The following GNPNAT1 variants were observed in gnomAD, a reference collection of about 807,000 sequenced individuals.
GNPNAT1 encodes the protein glucosamine-phosphate N-acetyltransferase 1, also known as glucosamine 6-phosphate N-acetyltransferase.
In GNPNAT1, 11 loss-of-function variants were observed where a neutral mutation model predicts 19.8. That is an observed-to-expected ratio of 0.56 (90% CI 0.35 to 0.92). GNPNAT1 has a LOEUF of 0.92. Among genes scored for constraint, GNPNAT1 ranks in the 40% least tolerant of loss-of-function variants. The pLI, the probability that GNPNAT1 is intolerant of heterozygous loss-of-function variation, is 0.01. For missense variants in GNPNAT1, 157 were observed against 211.0 expected (o/e 0.74, Z 1.59); for synonymous variants, 71 against 72.3 (o/e 0.98, Z 0.09).
At chr14:52,781,727 C>T in intron 4 of GNPNAT1, 57 bp downstream of exon 4, 2 of 1,518,012 alleles carry the variant, frequency 1.3e-6, no homozygotes, top group Non-Finnish European at 1.8e-6. Flanking sequence ...CTAATGGAAA[C>T]TCAAAGTCAG....
In GNPNAT1 at chr14:52,784,638, C is replaced by G. The variant is rs1411464962; in HGVS notation, c.13G>C (p.Glu5Gln). 1.9e-6 allele frequency: 3 copies of G among 1,550,180 alleles called. No homozygotes were observed. The South Asian group carries it at 3.6e-5, about 19-fold the overall frequency. The change falls in exon 2 of 6, where the codon GAA becomes CAA. Residue 5 changes from glutamate to glutamine, a missense_variant. Glu to Gln is a conservative substitution (Grantham distance 29, BLOSUM62 2). Coordinates refer to ENST00000216410, the MANE Select transcript of GNPNAT1 (RefSeq NM_198066.4). ...AGACTTGGGTCAAACATAGGAGTTTCATCAGGTTTCATTTTTCTAGTAAGG... is the reference window on the plus strand; with the variant it reads ...AGACTTGGGTCAAACATAGGAGTTTGATCAGGTTTCATTTTTCTAGTAAGG... MKPDETPMFDPSLLK... is the reference protein window; with the variant it reads MKPDQTPMFDPSLLK...
rs1882680669 is a variant in GNPNAT1, at chr14:52,775,409, C to T, written c.*2902G>A. On this transcript the variant is annotated 3_prime_UTR_variant, in exon 6 of 6. Coordinates refer to ENST00000216410, the MANE Select transcript of GNPNAT1 (RefSeq NM_198066.4). ...AATCTAAGATCACCTCACAACTATA[C>T]CATTATTTTAGGCACCACTAAAAGA... The T allele has an allele frequency of 6.6e-6, 1 of 152,130 alleles. No homozygotes were observed. Among genetic ancestry groups the T allele is most frequent in the African/African-American group, 2.4e-5 (1 of 41,422 alleles). The allele number at this position is 152,130 out of a possible 1,614,324, so 9.4% of individuals were successfully genotyped here.
At chr14:52,779,978 G>A (rs995176404) in intron 5 of GNPNAT1, among the ~76,000 whole-genome samples, 1 of 152,008 alleles carries the variant, frequency 6.6e-6, no homozygotes, top group Admixed American at 6.6e-5. Flanking sequence ...TTTGAGACCA[G>A]CCTGAGCAAC....
chr14:52,786,588 A>G (rs768189495), intron 1 of GNPNAT1, among the ~76,000 whole-genome samples: 2 of 152,128 alleles, frequency 1.3e-5, no homozygotes, highest in Admixed American at 6.5e-5. Flanking sequence ...TTTTCATGCT[A>G]TTGAAAAGTG....
rs563123767 is a variant in GNPNAT1, at chr14:52,789,507, T to A, written c.-15+1921A>T. Among the ~76,000 whole-genome samples, 49 of 152,230 alleles carry A rather than the reference T, an allele frequency of 3.2e-4. 1 individual carries two copies. The highest frequency in any genetic ancestry group is 2.9e-3 in the South Asian group (14 of 4,818). Reference sequence around the variant, plus strand: ...GGCAATCAGAAATTAACATCAAAAATTTTTTTATGAGCTATTCTACAAAAC... The same window carrying A: ...GGCAATCAGAAATTAACATCAAAAAATTTTTTATGAGCTATTCTACAAAAC... On this transcript the variant is annotated intron_variant, in intron 1 of 5. Coordinates refer to ENST00000216410, the MANE Select transcript of GNPNAT1 (RefSeq NM_198066.4).
intron 1 of GNPNAT1, among the ~76,000 whole-genome samples, chr14:52,785,496 G>A (rs965129238): frequency 1.3e-5 from 2 of 151,424 alleles, no homozygotes; most frequent in Non-Finnish European, 2.9e-5. Flanking sequence ...GCCGAGGTGG[G>A]CAGATCACCT....
chr14:52,784,515 T>C lies in GNPNAT1; in HGVS notation c.136A>G (p.Thr46Ala), dbSNP rs1443359331. 6 of 1,599,658 alleles carry C rather than the reference T, an allele frequency of 3.8e-6. No individual in the cohort carries two copies. The highest frequency in any genetic ancestry group is 5.1e-6 in the Non-Finnish European group (6 of 1,175,674). The change falls in exon 2 of 6, where the codon ACT (threonine) becomes GCT (alanine). Residue 46 changes from threonine to alanine, a missense_variant. By Grantham distance (58) the Thr-to-Ala change is moderately conservative. Coordinates refer to ENST00000216410, the MANE Select transcript of GNPNAT1 (RefSeq NM_198066.4). ...ACATTACCTCTATTTAAGTCAGCAG[T>C]ACAAAGAGGCCTCAAAACCAAGCCT... Reference protein sequence around the residue: ...GEGLVLRPLCTADLNRGFFKV... With the variant: ...GEGLVLRPLCAADLNRGFFKV...
intron 1 of GNPNAT1, among the ~76,000 whole-genome samples, chr14:52,786,663 T>C (rs988172158): frequency 1.3e-5 from 2 of 152,036 alleles, no homozygotes; most frequent in East Asian, 3.9e-4. Flanking sequence ...AGTTGTAATG[T>C]TTTAAAACTG....
At chr14:52,786,743 CA>C (rs1883028393) in intron 1 of GNPNAT1, among the ~76,000 whole-genome samples, 1 of 151,784 alleles carries the variant, frequency 6.6e-6, no homozygotes, top group South Asian at 2.1e-4. Flanking sequence ...AAACTGGGGC[CA>C]GGGGGCTTCT....
At chr14:52,784,230 ATAATT>A (rs1882959060) in intron 2 of GNPNAT1, among the ~76,000 whole-genome samples, 2 of 152,324 alleles carry the variant, frequency 1.3e-5, no homozygotes, top group East Asian at 1.9e-4. Context: ...ATCATACATG[ATAATT>A]TAATTTTTGT....
In GNPNAT1 at chr14:52,783,451, A is replaced by G. The variant is rs768778279; in HGVS notation, c.189T>C (p.Thr63=). Residue 63 remains threonine (T), a synonymous_variant, in exon 3 of 6, where the codon ACT becomes ACC. Transcript: ENST00000216410. ...FFKVLGQLTE[T]GVVSPEQFMK... Reference sequence around the variant, plus strand: ...TAAATTGTTCAGGGCTGACAACTCCAGTCTCTGTTAGCTGACCCAATACCT... The same window carrying G: ...TAAATTGTTCAGGGCTGACAACTCCGGTCTCTGTTAGCTGACCCAATACCT... 6.2e-7 allele frequency: 1 copy of G among 1,611,076 alleles called. No homozygotes were observed. The highest frequency in any genetic ancestry group is 8.5e-7 in the Non-Finnish European group (1 of 1,177,514).
chr14:52,784,365 A>C, intron 2 of GNPNAT1, 132 bp downstream of exon 2: 1 of 573,924 alleles, frequency 1.7e-6, no homozygotes, highest in Non-Finnish European at 2.8e-6. Context: ...TTGAGTGTCC[A>C]TCACTTTAAA....
rs187985049 is a variant in GNPNAT1 at position 52,785,082 on chromosome 14, C to A, written c.-14-418G>T. Among the ~76,000 whole-genome samples, 250 of 152,024 alleles carry A rather than the reference C, an allele frequency of 1.6e-3. 1 individual carries two copies. The highest frequency in any genetic ancestry group is 5.8e-3 in the African/African-American group (239 of 41,498). ...CTGGGATTATAGGCACGTGACACCA[C>A]GCCCGGCTAATTTTTTTGTATTTTT... On this transcript the variant is annotated intron_variant, in intron 1 of 5. Transcript: ENST00000216410.
chr14:52,785,584 G>A (rs1259648736), intron 1 of GNPNAT1, among the ~76,000 whole-genome samples: 2 of 151,286 alleles, frequency 1.3e-5, no homozygotes, highest in South Asian at 2.1e-4. Context: ...TTAGTCGGGC[G>A]TGGTGGCGCA....
At chr14:52,788,877 T>A (rs3759645) in intron 1 of GNPNAT1, among the ~76,000 whole-genome samples, 57,079 of 151,662 alleles carry the variant, frequency 0.38, 10,868 homozygotes, top group South Asian at 0.41. Context: ...AAATAATGAA[T>A]TTTAACCAGG....
At chr14:52,787,743 C>T (rs2139973576) in intron 1 of GNPNAT1, 1 of 152,068 alleles carries the variant, frequency 6.6e-6, no homozygotes, top group Non-Finnish European at 1.5e-5. Context: ...TTAGCAGTGC[C>T]TGGAATACTG....
rs1882757413 is a variant in GNPNAT1 at position 52,777,271 on chromosome 14, C to T, written c.*1040G>A. 6.6e-6 allele frequency: 1 copy of T among 152,598 alleles called. No individual in the cohort carries two copies. The allele number at this position is 152,598 out of a possible 1,614,324, so 9.5% of individuals were successfully genotyped here. A position where few individuals can be genotyped will look rare whatever the true frequency, so the allele number is the denominator to read the frequency against. The stretch of plus-strand genomic sequence containing the variant: ...TCTAACAGAAGACTACTCATATAAA[C>T]AGGTTTAATGCAACATGGAATGCAA... On this transcript the variant is annotated 3_prime_UTR_variant, in exon 6 of 6. Transcript: ENST00000216410.
chr14:52,783,683 C>A (rs756863209), intron 2 of GNPNAT1, among the ~76,000 whole-genome samples, 198 bp from the exon 3 acceptor site: 1 of 152,050 alleles, frequency 6.6e-6, no homozygotes, highest in Non-Finnish European at 1.5e-5. Flanking sequence ...TTTACCAGTG[C>A]TTCTGCCTGC....
Position 52,781,888 on chromosome 14 carries a change from A to G in GNPNAT1, c.241T>C (p.Ser81Pro). ...FMKSFEHMKK[S>P]GDYYVTVVED... is the part of the protein sequence containing the mutation. ...ACAACTGTAACATAATAATCCCCAG[A>G]TTTCTTCATATGCTCAAAAGATTCT... is the stretch of plus-strand genomic sequence containing the variant. Residue 81 changes from serine (S) to proline (P), a missense_variant, in exon 4 of 6, where the codon TCT becomes CCT. Coordinates refer to ENST00000216410, the MANE Select transcript of GNPNAT1 (RefSeq NM_198066.4). 1 of 1,608,134 alleles carries G rather than the reference A, an allele frequency of 6.2e-7. No individual in the cohort carries two copies. Among genetic ancestry groups the G allele is most frequent in the Non-Finnish European group, 8.5e-7 (1 of 1,177,800 alleles).
Sources: gnomAD v4.1 joint callset for allele counts (sites outside exome capture counted in the v4.1 genomes callset) on GRCh38, gnomAD v4.1.1 for gene constraint, MANE v1.5 for transcripts, NCBI Gene and HGNC (gene_info 2026-07-23, HGNC 2026-07-21) for gene names.